Variants in UNC79 observed in about 807,000 individuals in gnomAD.
UNC79 encodes protein unc-79 homolog.
A neutral mutation model predicts 283.1 loss-of-function variants in UNC79; 37 were observed. The ratio of observed to expected loss-of-function variants is 0.13; its 90% CI spans 0.10 to 0.17. The LOEUF (loss-of-function observed/expected upper bound fraction) is 0.17, where lower values mean the gene tolerates loss of function less well. Ranked by LOEUF, UNC79 falls within the 10% of genes least tolerant of loss-of-function variation. The pLI is 1.00. For missense variants in UNC79, 2,272 were observed against 3,211.1 expected, an observed-to-expected ratio of 0.71 and a Z score of 7.07; for synonymous variants, 1,107 against 1,200.2, an observed-to-expected ratio of 0.92 and a Z score of 1.61.
chr14:93,657,567 G>A (rs1266914419), intron 38 of UNC79, among the ~76,000 whole-genome samples: 1 of 152,052 alleles, frequency 6.6e-6, no homozygotes, highest in Non-Finnish European at 1.5e-5. Flanking sequence ...TAGCCAGGAT[G>A]GTCTTAATCT....
chr14:93,415,190 G>A (rs1379326271), intron 1 of UNC79, among the ~76,000 whole-genome samples: 12 of 152,134 alleles, frequency 7.9e-5, no homozygotes, highest in South Asian at 2.1e-4. Flanking sequence ...TTTGAGATAC[G>A]TCCCATCAAT....
chr14:93,403,879 T>G (rs921997914), intron 1 of UNC79, among the ~76,000 whole-genome samples: 1 of 151,954 alleles, frequency 6.6e-6, no homozygotes, highest in Non-Finnish European at 1.5e-5. Flanking sequence ...ACTCTTTTTT[T>G]TTTTTTTTGA....
At chr14:93,539,478 G>T (rs932651700) in intron 12 of UNC79, among the ~76,000 whole-genome samples, 2 of 151,398 alleles carry the variant, frequency 1.3e-5, no homozygotes, top group Non-Finnish European at 2.9e-5. Context: ...CTGAGATTGC[G>T]CCACTGCACT....
intron 24 of UNC79, among the ~76,000 whole-genome samples, chr14:93,600,266 G>A (rs1482140348): frequency 6.6e-6 from 1 of 152,014 alleles, no homozygotes; most frequent in Non-Finnish European, 1.5e-5. Flanking sequence ...TGACTTGAGG[G>A]TATTTGGATT....
intron 1 of UNC79, among the ~76,000 whole-genome samples, chr14:93,340,531 T>G (rs2053685365): frequency 6.6e-6 from 1 of 151,656 alleles, no homozygotes; most frequent in African/African-American, 2.4e-5. Context: ...ACAATCTGTT[T>G]ATACATCCAG....
chr14:93,597,088 T>G (rs938497108), intron 23 of UNC79, among the ~76,000 whole-genome samples: 1 of 151,974 alleles, frequency 6.6e-6, no homozygotes, highest in Non-Finnish European at 1.5e-5. Flanking sequence ...CATGAAAAAA[T>G]TGTAAAAGAC....
chr14:93,347,345 C>A (rs2053872013), intron 1 of UNC79: 2 of 1,597,408 alleles, frequency 1.3e-6, no homozygotes, highest in East Asian at 4.5e-5. Context: ...CAGCCCGCTC[C>A]CCGCTTCGCC....
chr14:93,349,457 G>T (rs2053938884), intron 1 of UNC79, among the ~76,000 whole-genome samples: 1 of 152,100 alleles, frequency 6.6e-6, no homozygotes, highest in Admixed American at 6.5e-5. Context: ...AAGTACTATG[G>T]GGTTACAATC....
At chr14:93,565,372 G>A (rs969316618) in intron 14 of UNC79, among the ~76,000 whole-genome samples, 2 of 152,130 alleles carry the variant, frequency 1.3e-5, no homozygotes, top group African/African-American at 4.8e-5. Flanking sequence ...GGGGTTAAGC[G>A]AGCTGTTAGG....
chr14:93,352,981 T>C (rs1185133041), intron 1 of UNC79, among the ~76,000 whole-genome samples: 2 of 152,168 alleles, frequency 1.3e-5, no homozygotes, highest in Non-Finnish European at 2.9e-5. Flanking sequence ...AACATAGACA[T>C]ACAATATGAT....
chr14:93,434,392 G>C lies in UNC79; in HGVS notation c.22+3341G>C, dbSNP rs118074348. Among the ~76,000 whole-genome samples the C allele has an allele frequency of 3.5e-3, 528 of 151,788 alleles. 12 individuals are homozygous for C. The South Asian group carries it at 0.051, about 15-fold the overall frequency. The stretch of plus-strand genomic sequence containing the variant: ...AGTTAAATTTTTTTTTTCTCCAAAT[G>C]CTTCTTTTTCTTACAAAGTTCACTG... On this transcript the variant is annotated intron_variant, in intron 1 of 48. Transcript: ENST00000555664.
intron 5 of UNC79, among the ~76,000 whole-genome samples, chr14:93,494,082 T>C (rs1329640629): frequency 2.6e-5 from 4 of 151,338 alleles, no homozygotes; most frequent in African/African-American, 9.7e-5. Context: ...TTTTTGTATT[T>C]GTAGTAGAGA....
chr14:93,419,963 A>G (rs1007843983), intron 1 of UNC79, among the ~76,000 whole-genome samples: 1 of 151,572 alleles, frequency 6.6e-6, no homozygotes, highest in African/African-American at 2.4e-5. Context: ...ACTCTCTATT[A>G]TTCATCCCTT....
At chr14:93,572,778 C>G in exon 16 of UNC79, 1 of 1,614,076 alleles carries the variant, frequency 6.2e-7, no homozygotes, top group Non-Finnish European at 8.5e-7. Flanking sequence ...TACAGGATAC[C>G]CCTCCTCTGT....
At chr14:93,379,635 C>T (rs967517127) in intron 1 of UNC79, among the ~76,000 whole-genome samples, 1 of 141,704 alleles carries the variant, frequency 7.1e-6, no homozygotes, top group African/African-American at 2.6e-5. Context: ...GCTTGGGATT[C>T]TAATTTGCAG....
intron 8 of UNC79, among the ~76,000 whole-genome samples, chr14:93,525,725 C>A (rs954950867): frequency 6.6e-6 from 1 of 152,022 alleles, no homozygotes; most frequent in Non-Finnish European, 1.5e-5. Flanking sequence ...TTTGGGTCAC[C>A]CAGACATCAA....
At chr14:93,584,160 T>G (rs998981597) in intron 20 of UNC79, among the ~76,000 whole-genome samples, 1 of 152,210 alleles carries the variant, frequency 6.6e-6, no homozygotes, top group Non-Finnish European at 1.5e-5. Context: ...GAAAAGAAGT[T>G]TACAATCTGC....
At chr14:93,656,465 A>T (rs1596261588) in intron 38 of UNC79, among the ~76,000 whole-genome samples, 1 of 151,722 alleles carries the variant, frequency 6.6e-6, no homozygotes, top group East Asian at 1.9e-4. Context: ...AAAAAAACAT[A>T]GGCTAGGCAA....
chr14:93,634,360 C>T (rs1184947211), intron 31 of UNC79, among the ~76,000 whole-genome samples, 161 bp from the exon 34 acceptor site: 2 of 152,204 alleles, frequency 1.3e-5, no homozygotes, highest in Admixed American at 1.3e-4. Context: ...GCATCCGGAA[C>T]AGCAGAGTAC....
Sources: gnomAD v4.1 joint callset for allele counts (sites outside exome capture counted in the v4.1 genomes callset) on GRCh38, gnomAD v4.1.1 for gene constraint, MANE v1.5 for transcripts, NCBI Gene and HGNC (gene_info 2026-07-23, HGNC 2026-07-21) for gene names.